Variants in JPH3 observed in about 807,000 individuals in gnomAD.
JPH3 encodes the protein junctophilin-3.
A neutral mutation model predicts 59.6 loss-of-function variants in JPH3; 11 were observed. That is an observed-to-expected ratio of 0.18 (90% CI 0.12 to 0.31). The LOEUF (loss-of-function observed/expected upper bound fraction) is 0.31, where lower values mean the gene tolerates loss of function less well. Among genes scored for constraint, JPH3 ranks in the 10% least tolerant of loss-of-function variants. JPH3 has a pLI of 1.00. For missense variants in JPH3, 1,202 were observed against 1,105.7 expected (o/e 1.09, Z -1.24); for synonymous variants, 673 against 483.6 (o/e 1.39, Z -5.14).
chr16:87,651,716 A>G (rs1280125580), intron 2 of JPH3, among the ~76,000 whole-genome samples: 1 of 152,258 alleles, frequency 6.6e-6, no homozygotes, highest in Non-Finnish European at 1.5e-5. Context: ...GTTGCTGCTT[A>G]GGGGTGAAAC....
intron 2 of JPH3, among the ~76,000 whole-genome samples, chr16:87,652,446 C>CT: frequency 6.6e-6 from 1 of 152,368 alleles, no homozygotes; most frequent in East Asian, 1.9e-4. Flanking sequence ...GCTTAATAGA[C>CT]TACAATATAG....
rs1214197598 is a variant in JPH3 at position 87,611,587 on chromosome 16, C to T, written c.382+8059C>T. ...AATGCTTTCCAAAAACACCGAGAGT[C>T]GCTCTCTCTGCTGCTGGTGGAGTCT... On this transcript the variant is annotated intron_variant, in intron 1 of 4. Transcript: ENST00000284262. The surrounding 1 kb of genome is among the most constrained non-coding windows in gnomAD (Gnocchi z 4.5). Among the ~76,000 whole-genome samples the T allele has an allele frequency of 6.6e-6, 1 of 152,180 alleles. No individual in the cohort carries two copies. The highest frequency in any genetic ancestry group is 1.9e-4 in the East Asian group (1 of 5,176).
intron 1 of JPH3, among the ~76,000 whole-genome samples, chr16:87,632,879 C>T (rs1262483433): frequency 6.6e-6 from 1 of 150,532 alleles, no homozygotes; most frequent in Non-Finnish European, 1.5e-5. Context: ...CACGACAGAG[C>T]TGGACTCTGT....
intron 1 of JPH3, among the ~76,000 whole-genome samples, chr16:87,643,951 A>G (rs1284565426): frequency 6.6e-6 from 1 of 152,086 alleles, no homozygotes; most frequent in African/African-American, 2.4e-5. Flanking sequence ...AGCCTGGCCA[A>G]CATAATGAGA....
chr16:87,631,526 C>T (rs545707189), intron 1 of JPH3, among the ~76,000 whole-genome samples: 1 of 152,066 alleles, frequency 6.6e-6, no homozygotes, highest in African/African-American at 2.4e-5. Flanking sequence ...CATTTAGGGT[C>T]TTTGTCATTT....
Position 87,643,927 on chromosome 16 carries a change from A to T in JPH3, c.383-331A>T, listed in dbSNP as rs115471761. On this transcript the variant is annotated intron_variant, in intron 1 of 4. Coordinates refer to ENST00000284262, the MANE Select transcript of JPH3 (RefSeq NM_020655.4). The stretch of plus-strand genomic sequence containing the variant: ...GGCTGAGGCAGGATCACTTGAGCCC[A>T]TGAGTTAGAAACCAGCCTGGCCAAC... Among the ~76,000 whole-genome samples, 655 of 152,222 alleles carry T rather than the reference A, an allele frequency of 4.3e-3. 8 individuals carry two copies. The highest frequency in any genetic ancestry group is 0.015 in the African/African-American group (620 of 41,520).
At chr16:87,633,674 C>T (rs1033834007) in intron 1 of JPH3, among the ~76,000 whole-genome samples, 3 of 151,958 alleles carry the variant, frequency 2.0e-5, no homozygotes, top group Non-Finnish European at 4.4e-5. Context: ...TGGCGGGCGC[C>T]TGTAGTACCA....
In JPH3 at chr16:87,698,038, T is replaced by TTTGC. The variant is rs1185749753; in HGVS notation, c.*1381_*1384dup. ...GCCCGTCTTATGGACTCTGCCTTGC[T>TTTGC]TTGCTTATGTTTAGCTGTTTCTCTG... On this transcript the variant is annotated 3_prime_UTR_variant, in exon 5 of 5. Coordinates refer to ENST00000284262, the MANE Select transcript of JPH3 (RefSeq NM_020655.4). The TTTGC allele has an allele frequency of 6.5e-6, 1 of 152,762 alleles. No individual in the cohort carries two copies. The highest frequency in any genetic ancestry group is 1.5e-5 in the Non-Finnish European group (1 of 68,038). The allele number at this position is 152,762 out of a possible 1,614,324, so 9.5% of individuals were successfully genotyped here. A position where few individuals can be genotyped will look rare whatever the true frequency, so the allele number is the denominator to read the frequency against.
intron 1 of JPH3, among the ~76,000 whole-genome samples, chr16:87,633,542 C>T (rs992295566): frequency 1.3e-5 from 2 of 151,834 alleles, no homozygotes; most frequent in East Asian, 3.8e-4. Flanking sequence ...TGGCTCACAC[C>T]TGTAATTCCA....
In JPH3 at chr16:87,637,825, C is replaced by T. The variant is rs868322573; in HGVS notation, c.383-6433C>T. On this transcript the variant is annotated intron_variant, in intron 1 of 4. Coordinates refer to ENST00000284262, the MANE Select transcript of JPH3 (RefSeq NM_020655.4). ...GGCCTCCTGGGTGGTGTTCCCATGC[C>T]GAGCTCCAGTTGGGGGTGTGACCAG... Among the ~76,000 whole-genome samples the T allele has an allele frequency of 7.2e-5, 11 of 152,268 alleles. No homozygotes were observed. The South Asian group carries it at 1.5e-3, about 20-fold the overall frequency.
chr16:87,604,617 A>ATCCTGAGCGTACGTGTGCTCTAGTCC, intron 1 of JPH3: 2 of 1,203,564 alleles, frequency 1.7e-6, no homozygotes, highest in Non-Finnish European at 2.1e-6. Flanking sequence ...GAGAATAAAA[A>ATCCTGAGCGTACGTGTGCTCTAGTCC]TCCTGAGCGT....
chr16:87,629,639 G>A (rs1355242668), intron 1 of JPH3, among the ~76,000 whole-genome samples: 1 of 148,968 alleles, frequency 6.7e-6, no homozygotes, highest in African/African-American at 2.5e-5. Context: ...TGGAAGAGGT[G>A]GAACTCTGGA....
At chr16:87,657,773 C>T (rs898553585) in intron 2 of JPH3, among the ~76,000 whole-genome samples, 1 of 144,376 alleles carries the variant, frequency 6.9e-6, no homozygotes, top group African/African-American at 2.9e-5. Context: ...CTGGGAGTTG[C>T]CCCGAGGACT....
chr16:87,658,543 C>G (rs928137483), intron 2 of JPH3, among the ~76,000 whole-genome samples: 11 of 152,054 alleles, frequency 7.2e-5, no homozygotes, highest in African/African-American at 2.7e-4. Flanking sequence ...GTTCCCCCTT[C>G]TCTCTCTCTC....
chr16:87,618,494 T>C (rs527243373), intron 1 of JPH3, among the ~76,000 whole-genome samples: 1 of 152,230 alleles, frequency 6.6e-6, no homozygotes, highest in Non-Finnish European at 1.5e-5. Flanking sequence ...GGTACGTCCA[T>C]GTGTCGTGCC....
rs1439615236 is a variant in JPH3, at chr16:87,602,515, C to G, written c.-632C>G. On this transcript the variant is annotated 5_prime_UTR_variant, in exon 1 of 5. Coordinates refer to ENST00000284262, the MANE Select transcript of JPH3 (RefSeq NM_020655.4). ...GCGCGCGCCGCGCGGCCCGAGCGCG[C>G]GAGCCGGGCCCGGAGCGCACGCCGC... 7.3e-6 allele frequency among the ~76,000 whole-genome samples: 1 copy of G among 137,924 alleles called. No homozygotes were observed. Among genetic ancestry groups the G allele is most frequent in the Non-Finnish European group, 1.6e-5 (1 of 62,944 alleles). 90.5% of individuals were successfully genotyped at this position (137,924 alleles called of 152,430 possible).
At chr16:87,631,822 A>G (rs1270398863) in intron 1 of JPH3, among the ~76,000 whole-genome samples, 1 of 151,956 alleles carries the variant, frequency 6.6e-6, no homozygotes, top group Non-Finnish European at 1.5e-5. Flanking sequence ...TTATTTACCA[A>G]AATATTTCTT....
intron 1 of JPH3, among the ~76,000 whole-genome samples, chr16:87,607,178 C>T (rs1052465097): frequency 2.0e-5 from 3 of 152,236 alleles, no homozygotes; most frequent in Admixed American, 6.5e-5. Context: ...CATACACTGC[C>T]CAGGACCCCT....
chr16:87,613,427 TCTC>T (rs1276209526), intron 1 of JPH3, among the ~76,000 whole-genome samples: 1 of 151,836 alleles, frequency 6.6e-6, no homozygotes, highest in Non-Finnish European at 1.5e-5. Flanking sequence ...TTCAAGCCAT[TCTC>T]CTGCCTCTGC....
Sources: gnomAD v4.1 joint callset for allele counts (sites outside exome capture counted in the v4.1 genomes callset) on GRCh38, gnomAD v4.1.1 for gene constraint, Gnocchi (gnomAD v3.1) non-coding constraint, MANE v1.5 for transcripts, NCBI Gene and HGNC (gene_info 2026-07-23, HGNC 2026-07-21) for gene names.